TTLL6: variants seen among roughly 807,000 people sequenced by gnomAD.
TTLL6 encodes the protein tubulin polyglutamylase TTLL6.
TTLL6 carries 75 observed loss-of-function variants against 96.4 expected under a neutral mutation model. That is an observed-to-expected ratio of 0.78 (90% CI 0.65 to 0.94). The LOEUF (loss-of-function observed/expected upper bound fraction) is 0.94, where lower values mean the gene tolerates loss of function less well. TTLL6 is among the 40% of genes least tolerant of loss of function. The pLI is 0.00. For synonymous variants in TTLL6, 411 were observed against 419.4 expected, an observed-to-expected ratio of 0.98 and a Z score of 0.24; for missense variants, 1,030 against 1,093.0, an observed-to-expected ratio of 0.94 and a Z score of 0.81.
At chr17:48,803,085 G>A (rs4438349) in intron 3 of TTLL6, among the ~76,000 whole-genome samples, 38,201 of 150,932 alleles carry the variant, frequency 0.25, 5,885 homozygotes, top group East Asian at 0.73. Flanking sequence ...CAAGAAAATC[G>A]CTTGAGCCCA....
At chr17:48,780,347 CTACTT>C (rs1163510882) in intron 13 of TTLL6, among the ~76,000 whole-genome samples, 1 of 152,026 alleles carries the variant, frequency 6.6e-6, no homozygotes, top group East Asian at 1.9e-4. Context: ...CGCCCAGACT[CTACTT>C]TAAAAAATCC....
rs771358811 is a variant in TTLL6 at position 48,769,976 on chromosome 17, A to ACC, written c.2160_2161dup (p.Val721GlyfsTer16). 6.2e-7 allele frequency: 1 copy of ACC among 1,613,898 alleles called. No individual in the cohort carries two copies. The highest frequency in any genetic ancestry group is 1.1e-5 in the South Asian group (1 of 91,058). On this transcript the variant is annotated frameshift_variant, in exon 14 of 16. Coordinates refer to ENST00000393382, the MANE Select transcript of TTLL6 (RefSeq NM_001130918.3). LOFTEE classifies it high-confidence loss of function. The stretch of plus-strand genomic sequence containing the variant: ...CTGCTTCTTGCATTTAAAGGATACC[A>ACC]CCCTGTCCGTCTCTGGGCCACTGTA...
At chr17:48,773,668 G>A (rs1417519387) in intron 13 of TTLL6, among the ~76,000 whole-genome samples, 1 of 152,116 alleles carries the variant, frequency 6.6e-6, no homozygotes, top group African/African-American at 2.4e-5. Context: ...GTTGCAGTGA[G>A]CCATGATTGT....
intron 1 of TTLL6, among the ~76,000 whole-genome samples, chr17:48,813,849 G>T (rs930557589): frequency 6.6e-6 from 1 of 152,140 alleles, no homozygotes; most frequent in African/African-American, 2.4e-5. Context: ...CTTTTTAGAG[G>T]AGGTTTTGAA....
In TTLL6 at chr17:48,791,459, G is replaced by T; in HGVS notation, c.1143C>A (p.Asn381Lys). 6.2e-7 allele frequency: 1 copy of T among 1,614,232 alleles called. No homozygotes were observed. The highest frequency in any genetic ancestry group is 8.5e-7 in the Non-Finnish European group (1 of 1,180,042). ...IRHNYHTCFP[N>K]HTLNSACFEI... is the part of the protein sequence containing the mutation. Reference sequence around the variant, plus strand: ...CAAAGCAGGCGCTGTTGAGTGTGTGGTTGGGGAAGCAGGTGTGGTAGTTAT... The same window carrying T: ...CAAAGCAGGCGCTGTTGAGTGTGTGTTTGGGGAAGCAGGTGTGGTAGTTAT... Residue 381 changes from asparagine (N) to lysine (K), a missense_variant, in exon 9 of 16, where the codon AAC (asparagine) becomes AAA (lysine). Transcript: ENST00000393382.
At chr17:48,780,788 A>C (rs542542759) in intron 13 of TTLL6, among the ~76,000 whole-genome samples, 1 of 152,310 alleles carries the variant, frequency 6.6e-6, no homozygotes, top group East Asian at 1.9e-4. Flanking sequence ...AAACATCCTC[A>C]AGGGTAAGTC....
At chr17:48,793,779 T>C (rs1182518331) in intron 8 of TTLL6, among the ~76,000 whole-genome samples, 1 of 151,936 alleles carries the variant, frequency 6.6e-6, no homozygotes, top group Non-Finnish European at 1.5e-5. Flanking sequence ...ATATGCAGAA[T>C]AGGGATGATG....
At chr17:48,815,069 C>T (rs755320468) in intron 1 of TTLL6, among the ~76,000 whole-genome samples, 4 of 152,136 alleles carry the variant, frequency 2.6e-5, no homozygotes, top group Admixed American at 6.5e-5. Context: ...TGAGCCACCG[C>T]GCCCAGCAGT....
At chr17:48,794,950 G>A (rs751859895) in intron 8 of TTLL6, among the ~76,000 whole-genome samples, 1 of 152,208 alleles carries the variant, frequency 6.6e-6, no homozygotes, top group African/African-American at 2.4e-5. Context: ...TTCCTCATCT[G>A]TAAGATGGAG....
At chr17:48,792,313 G>A (rs1399472952) in intron 8 of TTLL6, among the ~76,000 whole-genome samples, 1 of 152,186 alleles carries the variant, frequency 6.6e-6, no homozygotes, top group East Asian at 1.9e-4. Flanking sequence ...AGCCAGCTCT[G>A]AGCTGGGCAT....
chr17:48,805,499 T>A (rs574722791), intron 1 of TTLL6, among the ~76,000 whole-genome samples: 219 of 152,210 alleles, frequency 1.4e-3, no homozygotes, highest in Admixed American at 3.6e-3. Flanking sequence ...GATTGAACAA[T>A]AAGATTCAAG....
chr17:48,780,596 T>G (rs2038966993), intron 13 of TTLL6, among the ~76,000 whole-genome samples: 2 of 152,228 alleles, frequency 1.3e-5, no homozygotes, highest in Admixed American at 1.3e-4. Flanking sequence ...GTGCAAGAGA[T>G]CTCTAGAACT....
rs1201935234 is a variant in TTLL6, at chr17:48,762,879, A to C, written c.*95T>G. 4.4e-6 allele frequency: 2 copies of C among 453,692 alleles called. No individual in the cohort carries two copies. The highest frequency in any genetic ancestry group is 4.4e-6 in the Non-Finnish European group (1 of 226,266). 28.1% of individuals were successfully genotyped at this position (453,692 alleles called of 1,614,324 possible). A position where few individuals can be genotyped will look rare whatever the true frequency, so the allele number is the denominator to read the frequency against. ...AGATGAGCAAACAAAACTTCAGTTG[A>C]TTCTGTGAACACTGGAGACACTGTC... On this transcript the variant is annotated 3_prime_UTR_variant, in exon 16 of 16. Coordinates refer to ENST00000393382, the MANE Select transcript of TTLL6 (RefSeq NM_001130918.3).
chr17:48,810,235 T>C (rs2039561006), intron 1 of TTLL6, among the ~76,000 whole-genome samples: 1 of 152,086 alleles, frequency 6.6e-6, no homozygotes, highest in African/African-American at 2.4e-5. Context: ...AGTAAAAAAT[T>C]GAGCCCATGC....
intron 7 of TTLL6, among the ~76,000 whole-genome samples, chr17:48,796,695 G>C (rs2039322226): frequency 6.6e-6 from 1 of 151,940 alleles, no homozygotes; most frequent in Non-Finnish European, 1.5e-5. Flanking sequence ...AGGAGTCCTG[G>C]GGGTCCAGGA....
intron 13 of TTLL6, among the ~76,000 whole-genome samples, chr17:48,779,726 C>T (rs1355672341): frequency 6.6e-6 from 1 of 152,178 alleles, no homozygotes; most frequent in Non-Finnish European, 1.5e-5. Context: ...CAGTGAAATA[C>T]AATTCAGCAA....
At chr17:48,785,673 G>T (rs554225751) in intron 12 of TTLL6, among the ~76,000 whole-genome samples, 1 of 152,232 alleles carries the variant, frequency 6.6e-6, no homozygotes, top group East Asian at 1.9e-4. Flanking sequence ...AGCCAGGACT[G>T]GTCCACGCTT....
chr17:48,814,743 G>T (rs2039643165), intron 1 of TTLL6, among the ~76,000 whole-genome samples: 1 of 152,206 alleles, frequency 6.6e-6, no homozygotes, highest in African/African-American at 2.4e-5. Context: ...CCTCTTCCCT[G>T]GAGGTGTTGC....
At chr17:48,763,062 C>A in intron 15 of TTLL6, 89 bp from the exon 16 acceptor site, 1 of 380,878 alleles carries the variant, frequency 2.6e-6, no homozygotes, top group Non-Finnish European at 5.1e-6. Flanking sequence ...CCATTCCTAT[C>A]TAGTGGATCA....
Sources: gnomAD v4.1 joint callset for allele counts (sites outside exome capture counted in the v4.1 genomes callset) on GRCh38, gnomAD v4.1.1 for gene constraint, MANE v1.5 for transcripts, NCBI Gene and HGNC (gene_info 2026-07-23, HGNC 2026-07-21) for gene names.